The following NRXN1 variants were observed in gnomAD, a reference collection of about 807,000 sequenced individuals.
NRXN1 encodes neurexin-1.
Under a neutral mutation model 150.9 loss-of-function variants are expected in NRXN1, and 39 were observed. That is an observed-to-expected ratio of 0.26 (90% confidence interval 0.20 to 0.34). NRXN1 has a LOEUF of 0.34. Among genes scored for constraint, NRXN1 ranks in the 10% least tolerant of loss-of-function variants. The pLI is 1.00. For missense variants in NRXN1, 1,815 were observed against 1,949.9 expected (o/e 0.93, Z 1.30); for synonymous variants, 924 against 757.0 (o/e 1.22, Z -3.62).
At chr2:50,406,169 G>T (rs944674660) in intron 17 of NRXN1, among the ~76,000 whole-genome samples, 3 of 152,092 alleles carry the variant, frequency 2.0e-5, no homozygotes, top group Admixed American at 6.5e-5. Flanking sequence ...ATAAAATGTT[G>T]ATACCTCTAG....
intron 17 of NRXN1, among the ~76,000 whole-genome samples, chr2:50,328,026 A>G (rs966056363): frequency 6.6e-6 from 1 of 151,868 alleles, no homozygotes; most frequent in African/African-American, 2.4e-5. Context: ...TTTTCCTCGT[A>G]GGATTTTTTG....
chr2:50,607,997 G>T (rs1677410604), intron 8 of NRXN1, among the ~76,000 whole-genome samples: 2 of 151,986 alleles, frequency 1.3e-5, no homozygotes, highest in East Asian at 1.9e-4. Flanking sequence ...TCCATCTCCA[G>T]AAAGAAGGCC....
intron 17 of NRXN1, among the ~76,000 whole-genome samples, chr2:50,241,814 C>T (rs531119298): frequency 1.8e-4 from 28 of 151,868 alleles, no homozygotes; most frequent in Admixed American, 5.9e-4. Flanking sequence ...TGTCCCTTGC[C>T]TAAGTGTGCC....
intron 19 of NRXN1, among the ~76,000 whole-genome samples, chr2:50,077,619 A>T (rs1697306057): frequency 6.6e-6 from 1 of 152,162 alleles, no homozygotes; most frequent in Admixed American, 6.5e-5. Context: ...AGCGAAGGTG[A>T]CCCTGAAAAA....
At chr2:50,130,099 A>C (rs921883050) in intron 18 of NRXN1, among the ~76,000 whole-genome samples, 1 of 152,144 alleles carries the variant, frequency 6.6e-6, no homozygotes, top group African/African-American at 2.4e-5. Flanking sequence ...GACTGTAATT[A>C]AGTTTTCAAA....
intron 17 of NRXN1, among the ~76,000 whole-genome samples, chr2:50,370,504 A>G (rs2079940598): frequency 6.6e-6 from 1 of 152,062 alleles, no homozygotes; most frequent in Non-Finnish European, 1.5e-5. Context: ...TATCTATAAA[A>G]AAAACAAAGA....
At chr2:50,100,946 G>T (rs989509951) in intron 18 of NRXN1, among the ~76,000 whole-genome samples, 5 of 151,964 alleles carry the variant, frequency 3.3e-5, no homozygotes, top group Admixed American at 3.3e-4. Context: ...TTTTTCACAG[G>T]TAATACTTTC....
intron 5 of NRXN1, among the ~76,000 whole-genome samples, chr2:50,905,745 T>C (rs947861265): frequency 6.6e-6 from 1 of 152,162 alleles, no homozygotes; most frequent in Admixed American, 6.6e-5. Context: ...GGTCATTATA[T>C]TTTATATTTT....
Position 50,346,594 on chromosome 2 carries a change from TC to T in NRXN1, c.3365-109625del. Reference sequence around the variant, plus strand: ...CAAATGCACCTCCCTTTTGTCGAGCTCCCATTTCTCTGAGCCTTAGGAGCCC... The same window carrying T: ...CAAATGCACCTCCCTTTTGTCGAGCTCCATTTCTCTGAGCCTTAGGAGCCC... On this transcript the variant is annotated intron_variant, in intron 17 of 22. Transcript: ENST00000401669. This position sits in a 1 kb window ranked among gnomAD's most constrained non-coding sequence, Gnocchi z 5.0. 3.0e-6 allele frequency: 4 copies of T among 1,316,200 alleles called. No homozygotes were observed. The highest frequency in any genetic ancestry group is 4.3e-6 in the Non-Finnish European group (4 of 920,832). The allele number at this position is 1,316,200 out of a possible 1,614,324, so 81.5% of individuals were successfully genotyped here. A position where few individuals can be genotyped will look rare whatever the true frequency, so the allele number is the denominator to read the frequency against.
At chr2:50,054,473 C>A (rs1279847152) in intron 20 of NRXN1, among the ~76,000 whole-genome samples, 2 of 152,138 alleles carry the variant, frequency 1.3e-5, no homozygotes, top group Non-Finnish European at 2.9e-5. Flanking sequence ...TAGAAGGTTG[C>A]AAATGTTAAA....
At chr2:50,358,664 C>A (rs147379174) in intron 17 of NRXN1, among the ~76,000 whole-genome samples, 168 of 152,342 alleles carry the variant, frequency 1.1e-3, no homozygotes, top group African/African-American at 3.9e-3. Flanking sequence ...CTTCAGCCAA[C>A]TTACCCACTC....
chr2:50,961,598 AAAAG>A (rs1693210283), intron 2 of NRXN1, among the ~76,000 whole-genome samples: 1 of 151,892 alleles, frequency 6.6e-6, no homozygotes, highest in Non-Finnish European at 1.5e-5. Flanking sequence ...GTTAAATTGA[AAAAG>A]AAAGGCTATA....
chr2:50,463,110 C>G (rs2104625742), intron 17 of NRXN1, among the ~76,000 whole-genome samples: 1 of 151,800 alleles, frequency 6.6e-6, no homozygotes, highest in African/African-American at 2.4e-5. Context: ...AAATCAGCTT[C>G]TATACAGAAA....
At chr2:50,434,892 C>A (rs564003261) in intron 17 of NRXN1, among the ~76,000 whole-genome samples, 1 of 152,064 alleles carries the variant, frequency 6.6e-6, no homozygotes, top group Admixed American at 6.5e-5. Context: ...CCCAGCTTGC[C>A]CACATATTTA....
chr2:49,961,320 G>GCACA (rs71401054), intron 21 of NRXN1, among the ~76,000 whole-genome samples: 1,792 of 145,844 alleles, frequency 0.012, 17 homozygotes, highest in African/African-American at 0.021. Context: ...GCGCACGCAT[G>GCACA]CACACACACA....
intron 5 of NRXN1, among the ~76,000 whole-genome samples, chr2:50,682,695 T>A (rs1156396250): frequency 6.6e-6 from 1 of 152,140 alleles, no homozygotes; most frequent in Non-Finnish European, 1.5e-5. Context: ...TGATACAGAT[T>A]GCAATTTTTA....
intron 19 of NRXN1, among the ~76,000 whole-genome samples, chr2:50,060,180 C>T (rs1237257821): frequency 6.6e-6 from 1 of 152,202 alleles, no homozygotes; most frequent in East Asian, 1.9e-4. Flanking sequence ...GGCAGAGCTG[C>T]CCAAGACCAT....
chr2:50,261,721 T>G (rs1217472831), intron 17 of NRXN1, among the ~76,000 whole-genome samples: 1 of 151,948 alleles, frequency 6.6e-6, no homozygotes, highest in Admixed American at 6.6e-5. Context: ...CTATTTCTTT[T>G]ATATAAAGTG....
At chr2:51,022,884 A>G (rs1301499728) in intron 2 of NRXN1, among the ~76,000 whole-genome samples, 1 of 152,158 alleles carries the variant, frequency 6.6e-6, no homozygotes, top group East Asian at 1.9e-4. Context: ...TACTTGGGGT[A>G]TGCTATAAAG....
Sources: allele counts gnomAD v4.1 joint callset (sites outside exome capture counted in the v4.1 genomes callset), GRCh38; gene constraint gnomAD v4.1.1; non-coding constraint Gnocchi (gnomAD v3.1); transcripts MANE v1.5; gene names NCBI Gene and HGNC (gene_info 2026-07-23, HGNC 2026-07-21).